The following ASCC3 variants were observed in gnomAD, a reference collection of about 807,000 sequenced individuals.
The protein encoded by ASCC3 is ASC-1 complex subunit P200.
In ASCC3, 158 loss-of-function variants were observed where a neutral mutation model predicts 256.3. The observed-to-expected ratio is 0.62, with a 90% CI of 0.54 to 0.70. The LOEUF is 0.70. ASCC3 is among the 30% of genes least tolerant of loss of function. The pLI, the probability that ASCC3 is intolerant of heterozygous loss-of-function variation, is 0.00. For missense variants in ASCC3, 2,259 were observed against 2,626.0 expected (o/e 0.86, Z 3.05); for synonymous variants, 948 against 883.4 (o/e 1.07, Z -1.30).
At chr6:100,678,642 C>T (rs936580784) in intron 14 of ASCC3, among the ~76,000 whole-genome samples, 13 of 151,884 alleles carry the variant, frequency 8.6e-5, no homozygotes, top group East Asian at 3.9e-4. Context: ...TTAAATCTTA[C>T]GTTATATATA....
intron 4 of ASCC3, among the ~76,000 whole-genome samples, chr6:100,811,092 C>T (rs1400046067): frequency 6.6e-6 from 1 of 151,984 alleles, no homozygotes; most frequent in African/African-American, 2.4e-5. Context: ...TGTCCAACAA[C>T]GTAAATATTT....
intron 34 of ASCC3, among the ~76,000 whole-genome samples, chr6:100,599,534 A>T (rs1772483311): frequency 6.6e-6 from 1 of 152,146 alleles, no homozygotes; most frequent in African/African-American, 2.4e-5. Flanking sequence ...GTATTGTATA[A>T]ATGTTAATTT....
intron 10 of ASCC3, among the ~76,000 whole-genome samples, chr6:100,753,670 G>A (rs565655715): frequency 2.6e-5 from 4 of 152,136 alleles, no homozygotes; most frequent in Non-Finnish European, 5.9e-5. Context: ...TTGCCACTGC[G>A]TCCTGCAAAA....
chr6:100,646,146 C>T (rs1199693119), intron 22 of ASCC3, among the ~76,000 whole-genome samples: 2 of 152,016 alleles, frequency 1.3e-5, no homozygotes, highest in Admixed American at 1.3e-4. Context: ...GAAGATAGAA[C>T]TAATATAGCA....
chr6:100,581,095 C>T lies in ASCC3; in HGVS notation c.5550+8539G>A, dbSNP rs1771219574. 2.6e-5 allele frequency among the ~76,000 whole-genome samples: 4 copies of T among 152,092 alleles called. No homozygotes were observed. The South Asian group carries it at 8.3e-4, about 32-fold the overall frequency. ...GATTTATAGTCCTTTGGGTATATAC[C>T]CAGTAATGGGATGGCTGGGTCAAAT... is the stretch of plus-strand genomic sequence containing the variant. On this transcript the variant is annotated intron_variant, in intron 36 of 41. Transcript: ENST00000369162.
intron 16 of ASCC3, among the ~76,000 whole-genome samples, chr6:100,656,632 T>C (rs1347929061): frequency 1.3e-5 from 2 of 151,466 alleles, no homozygotes; most frequent in Admixed American, 6.6e-5. Flanking sequence ...AGGTTAATAA[T>C]TTAAAAACAC....
rs747854654 is a variant in ASCC3, at chr6:100,766,573, G to A, written c.1729C>T (p.Arg577Ter). 8.1e-6 allele frequency: 13 copies of A among 1,613,960 alleles called. No individual in the cohort carries two copies. Among genetic ancestry groups the A allele is most frequent in the Non-Finnish European group, 1.1e-5 (13 of 1,179,916 alleles). The part of the protein sequence containing the change: ...DMQLSKSEIL[R>*]TQMLVTTPEK... ...CTAGGTAAACAACATACCTGAGTTC[G>A]TAAAATTTCACTTTTGGACAACTGC... is the stretch of plus-strand genomic sequence containing the variant. The change falls in exon 10 of 42, where the codon CGA becomes TGA. Residue 577 changes from arginine to a stop codon, truncating the protein, a stop_gained. Transcript: ENST00000369162. LOFTEE classifies it high-confidence loss of function.
chr6:100,790,521 A>C (rs1192912522), intron 8 of ASCC3, among the ~76,000 whole-genome samples: 1 of 152,022 alleles, frequency 6.6e-6, no homozygotes, highest in Non-Finnish European at 1.5e-5. Context: ...TAAATATCAA[A>C]TATTTCTGTG....
At chr6:100,667,507 T>C (rs987541175) in intron 14 of ASCC3, among the ~76,000 whole-genome samples, 4 of 152,092 alleles carry the variant, frequency 2.6e-5, no homozygotes, top group Non-Finnish European at 5.9e-5. Flanking sequence ...TTCACAGTTG[T>C]GCTAAGACCA....
chr6:100,515,883 T>A (rs1773999363), intron 39 of ASCC3, among the ~76,000 whole-genome samples: 1 of 152,194 alleles, frequency 6.6e-6, no homozygotes, highest in Non-Finnish European at 1.5e-5. Context: ...CAACTTCTCA[T>A]AATGCCAATA....
chr6:100,525,152 GTC>G (rs1425933392), intron 37 of ASCC3, among the ~76,000 whole-genome samples: 3 of 47,780 alleles, frequency 6.3e-5, no homozygotes, highest in African/African-American at 2.8e-4. Context: ...GTGAGACCCT[GTC>G]TCAAAAAAAA....
At chr6:100,788,669 A>G (rs888898722) in intron 8 of ASCC3, among the ~76,000 whole-genome samples, 3 of 152,050 alleles carry the variant, frequency 2.0e-5, no homozygotes, top group Non-Finnish European at 4.4e-5. Context: ...ATGAATGTCT[A>G]ATGTATTACA....
chr6:100,740,109 C>A (rs1780357529), intron 10 of ASCC3, among the ~76,000 whole-genome samples: 1 of 152,126 alleles, frequency 6.6e-6, no homozygotes, highest in Non-Finnish European at 1.5e-5. Context: ...TTCACTGTAT[C>A]CCAGAGATTC....
chr6:100,797,690 G>C (rs1219462191), intron 8 of ASCC3, among the ~76,000 whole-genome samples: 1 of 151,886 alleles, frequency 6.6e-6, no homozygotes, highest in Non-Finnish European at 1.5e-5. Context: ...GGACCTCTTC[G>C]AAGAGATTAG....
At chr6:100,767,411 G>A in intron 8 of ASCC3, 66 bp from the exon 9 acceptor site, 3 of 1,451,618 alleles carry the variant, frequency 2.1e-6, no homozygotes, top group South Asian at 1.2e-5. Context: ...AAATCATTAT[G>A]TGTTAACATT....
intron 12 of ASCC3, 131 bp from the exon 13 acceptor site, chr6:100,715,664 C>G: frequency 1.5e-6 from 1 of 668,452 alleles, no homozygotes; most frequent in Non-Finnish European, 2.6e-6. Context: ...GTATCAAATA[C>G]CTCATAAACA....
At chr6:100,837,740 G>A (rs557405560) in intron 4 of ASCC3, among the ~76,000 whole-genome samples, 3 of 152,046 alleles carry the variant, frequency 2.0e-5, no homozygotes, top group Non-Finnish European at 4.4e-5. Context: ...GATTGGGGGT[G>A]GAGGGAGAAC....
chr6:100,796,786 G>A (rs1769637677), intron 8 of ASCC3, among the ~76,000 whole-genome samples: 1 of 152,114 alleles, frequency 6.6e-6, no homozygotes, highest in Non-Finnish European at 1.5e-5. Flanking sequence ...GTGGTCTTTT[G>A]TTATGGCAGA....
intron 34 of ASCC3, among the ~76,000 whole-genome samples, chr6:100,600,625 T>G (rs1462169529): frequency 6.6e-6 from 1 of 152,100 alleles, no homozygotes; most frequent in African/African-American, 2.4e-5. Flanking sequence ...TAAGATTTAG[T>G]AAGAACATTT....
Sources: gnomAD v4.1 joint callset for allele counts (sites outside exome capture counted in the v4.1 genomes callset) on GRCh38, gnomAD v4.1.1 for gene constraint, MANE v1.5 for transcripts, NCBI Gene and HGNC (gene_info 2026-07-23, HGNC 2026-07-21) for gene names.